MAGI3: variants seen among roughly 807,000 people sequenced by gnomAD.
MAGI3 encodes the protein membrane associated guanylate kinase, WW and PDZ domain containing 3.
In MAGI3, 43 loss-of-function variants were observed where a neutral mutation model predicts 121.8. The ratio of observed to expected loss-of-function variants is 0.35; its 90% CI spans 0.28 to 0.46. The LOEUF is 0.46. MAGI3 is among the 20% of genes least tolerant of loss of function. The probability of loss-of-function intolerance (pLI) is 1.00; values close to 1 mark genes in which losing one functional copy is unlikely to be tolerated. For missense variants in MAGI3, 1,547 were observed against 1,797.3 expected, an observed-to-expected ratio of 0.86 and a Z score of 2.52; for synonymous variants, 553 against 639.3, an observed-to-expected ratio of 0.86 and a Z score of 2.04.
chr1:113,612,431 G>T (rs1432292359), intron 6 of MAGI3, among the ~76,000 whole-genome samples: 1 of 151,554 alleles, frequency 6.6e-6, no homozygotes, highest in African/African-American at 2.4e-5. Context: ...TTTTATTTCT[G>T]CATAAGGATG....
intron 2 of MAGI3, among the ~76,000 whole-genome samples, chr1:113,556,850 G>C (rs1242701223): frequency 6.6e-6 from 1 of 152,010 alleles, no homozygotes; most frequent in Non-Finnish European, 1.5e-5. Flanking sequence ...ACAGACGTGA[G>C]GCCCCACACC....
chr1:113,511,546 C>G (rs1294189759), intron 1 of MAGI3, among the ~76,000 whole-genome samples: 1 of 152,206 alleles, frequency 6.6e-6, no homozygotes, highest in Non-Finnish European at 1.5e-5. Context: ...GGTTTTTATC[C>G]CTAACAAAGT....
At chr1:113,503,350 C>T (rs1018925018) in intron 1 of MAGI3, among the ~76,000 whole-genome samples, 1 of 122,268 alleles carries the variant, frequency 8.2e-6, no homozygotes, top group African/African-American at 3.3e-5. Context: ...ATTGATTGAA[C>T]CAGATTCGAG....
chr1:113,574,470 A>G (rs1647497856), intron 2 of MAGI3, among the ~76,000 whole-genome samples: 1 of 152,146 alleles, frequency 6.6e-6, no homozygotes, highest in Non-Finnish European at 1.5e-5. Flanking sequence ...TAGATTTGAA[A>G]TTCTGGGTTG....
intron 1 of MAGI3, among the ~76,000 whole-genome samples, chr1:113,447,442 T>A (rs776258509): frequency 7.6e-4 from 116 of 152,356 alleles, no homozygotes; most frequent in Non-Finnish European, 1.2e-3. Flanking sequence ...CATGGGCTAA[T>A]CACCTCTTAA....
At chr1:113,484,259 T>C (rs892444746) in intron 1 of MAGI3, among the ~76,000 whole-genome samples, 4 of 152,168 alleles carry the variant, frequency 2.6e-5, no homozygotes, top group African/African-American at 7.2e-5. Flanking sequence ...TAAATTTTTT[T>C]ATTTCAGTAG....
chr1:113,574,638 C>T (rs555188407), intron 2 of MAGI3, among the ~76,000 whole-genome samples: 2 of 152,274 alleles, frequency 1.3e-5, no homozygotes, highest in Non-Finnish European at 2.9e-5. Context: ...TCATTTCAAC[C>T]TTAGAGAATC....
intron 1 of MAGI3, among the ~76,000 whole-genome samples, chr1:113,398,232 T>C (rs1651222400): frequency 6.6e-6 from 1 of 152,212 alleles, no homozygotes; most frequent in African/African-American, 2.4e-5. Context: ...TATAGGTGAT[T>C]AGGTACTTGT....
intron 1 of MAGI3, among the ~76,000 whole-genome samples, chr1:113,452,978 A>G (rs1654558184): frequency 6.6e-6 from 1 of 152,220 alleles, no homozygotes; most frequent in African/African-American, 2.4e-5. Context: ...GCAAATTGAT[A>G]CATTCCACTG....
At chr1:113,480,720 T>C (rs562503433) in intron 1 of MAGI3, among the ~76,000 whole-genome samples, 70 of 152,354 alleles carry the variant, frequency 4.6e-4, no homozygotes, top group Admixed American at 4.5e-3. Context: ...TGAGGTGCTA[T>C]ACTTTCTCAC....
intron 1 of MAGI3, among the ~76,000 whole-genome samples, chr1:113,527,121 A>G (rs181730168): frequency 2.5e-4 from 38 of 152,162 alleles, no homozygotes; most frequent in African/African-American, 7.7e-4. Context: ...TATTGTTGCA[A>G]TTGTTAATAT....
intron 16 of MAGI3, among the ~76,000 whole-genome samples, chr1:113,662,521 CA>C (rs1393223811): frequency 2.6e-5 from 4 of 151,938 alleles, no homozygotes; most frequent in Non-Finnish European, 4.4e-5. Context: ...CATGACTTAC[CA>C]AAGGCTACCA....
chr1:113,405,506 T>C (rs1025102438), intron 1 of MAGI3, among the ~76,000 whole-genome samples: 2 of 121,128 alleles, frequency 1.7e-5, no homozygotes, highest in Non-Finnish European at 1.8e-5. Context: ...AAAAAAAGAC[T>C]GAAGGCTGTC....
intron 6 of MAGI3, among the ~76,000 whole-genome samples, chr1:113,599,977 G>A (rs1157375010): frequency 5.3e-5 from 8 of 151,942 alleles, no homozygotes; most frequent in African/African-American, 1.7e-4. Flanking sequence ...AAACCACATG[G>A]TTATCTCAAT....
chr1:113,598,962 T>A (rs1403114695), intron 6 of MAGI3, among the ~76,000 whole-genome samples: 1 of 152,180 alleles, frequency 6.6e-6, no homozygotes, highest in Non-Finnish European at 1.5e-5. Flanking sequence ...ACTCAAAATC[T>A]TTTGTGGGCA....
At chr1:113,682,097 A>G (rs1648253676) in intron 20 of MAGI3, 2 of 1,078,952 alleles carry the variant, frequency 1.9e-6, no homozygotes, top group African/African-American at 1.7e-5. Context: ...CTCTGACTGT[A>G]TTATCTTCCA....
intron 1 of MAGI3, among the ~76,000 whole-genome samples, chr1:113,527,971 T>G (rs1334591864): frequency 6.6e-6 from 1 of 152,180 alleles, no homozygotes; most frequent in African/African-American, 2.4e-5. Context: ...TCTATAAGTA[T>G]GTGTGTGTAT....
In MAGI3 at chr1:113,683,394, C is replaced by T; in HGVS notation, c.3826C>T (p.Gln1276Ter). The part of the protein sequence containing the change: ...CQVSTRAGSG[Q>*]DQCRKSRGRS... ...GGTCAGCACCAGGGCAGGCTCTGGACAAGATCAGTGCAGAAAAAGCAGAGG... is the reference window on the plus strand; with the variant it reads ...GGTCAGCACCAGGGCAGGCTCTGGATAAGATCAGTGCAGAAAAAGCAGAGG... Residue 1276 changes from glutamine to a stop codon, truncating the protein, a stop_gained, in exon 21 of 21, where the codon CAA becomes TAA. Transcript: ENST00000307546. LOFTEE classifies it low-confidence loss of function (END_TRUNC). The T allele has an allele frequency of 6.2e-7, 1 of 1,613,856 alleles. No homozygotes were observed. Among genetic ancestry groups the T allele is most frequent in the African/African-American group, 1.3e-5 (1 of 74,986 alleles).
At position 113,683,887 on chromosome 1, in the gene MAGI3, A is replaced by C; in HGVS notation, c.4319A>C (p.Glu1440Ala). Residue 1440 changes from glutamate to alanine, a missense_variant, in exon 21 of 21, where the codon GAG becomes GCG. By Grantham distance (107) the Glu-to-Ala change is moderately radical. Transcript: ENST00000307546. ...KELEAADKNK[E>A]TGRFKPESSS... is the part of the protein sequence containing the mutation. ...CTAGAGGCAGCTGACAAAAACAAAG[A>C]GACTGGAAGGTTCAAACCGGAAAGC... 1 of 1,612,666 alleles carries C rather than the reference A, an allele frequency of 6.2e-7. No individual in the cohort carries two copies. Among genetic ancestry groups the C allele is most frequent in the East Asian group, 2.2e-5 (1 of 44,858 alleles).
Sources: gnomAD v4.1 joint callset for allele counts (sites outside exome capture counted in the v4.1 genomes callset) on GRCh38, gnomAD v4.1.1 for gene constraint, MANE v1.5 for transcripts, NCBI Gene and HGNC (gene_info 2026-07-23, HGNC 2026-07-21) for gene names.